Variants in MAP1B observed in about 807,000 individuals in gnomAD.
MAP1B encodes microtubule-associated protein 1B.
Under a neutral mutation model 176.1 loss-of-function variants are expected in MAP1B, and 12 were observed. The observed-to-expected ratio is 0.07, with a 90% CI of 0.04 to 0.11. The LOEUF is 0.11. MAP1B is among the 10% of genes least tolerant of loss of function. The probability of loss-of-function intolerance (pLI) is 1.00; values close to 1 mark genes in which losing one functional copy is unlikely to be tolerated. For missense variants in MAP1B, 2,523 were observed against 2,990.5 expected (o/e 0.84, Z 3.65); for synonymous variants, 1,044 against 1,135.0 (o/e 0.92, Z 1.61).
chr5:72,150,650 C>T (rs1317388957), intron 2 of MAP1B, among the ~76,000 whole-genome samples: 1 of 152,178 alleles, frequency 6.6e-6, no homozygotes, highest in Admixed American at 6.5e-5. Flanking sequence ...TCTGCCTCCT[C>T]CCACCCTCCA....
chr5:72,157,094 A>G (rs1746242031), intron 2 of MAP1B, among the ~76,000 whole-genome samples: 1 of 152,248 alleles, frequency 6.6e-6, no homozygotes, highest in Non-Finnish European at 1.5e-5. Context: ...GCACTTAGTC[A>G]GTGCTTAGAA....
chr5:72,185,041 A>G (rs1329436535), intron 3 of MAP1B, among the ~76,000 whole-genome samples: 2 of 152,314 alleles, frequency 1.3e-5, no homozygotes, highest in East Asian at 3.9e-4. Context: ...GACATTTCAT[A>G]TAAATATAAT....
At position 72,201,811 on chromosome 5, in the gene MAP1B, G is replaced by C. The variant is rs1747338929; in HGVS notation, c.7012+1444G>C. On this transcript the variant is annotated intron_variant, in intron 5 of 6. Transcript: ENST00000296755. Reference sequence around the variant, plus strand: ...TATGGAGTATCAATTTTAAGGCTCAGTTCTCAGCACATTTGGCCTTTCTAC... The same window carrying C: ...TATGGAGTATCAATTTTAAGGCTCACTTCTCAGCACATTTGGCCTTTCTAC... 2.6e-5 allele frequency among the ~76,000 whole-genome samples: 4 copies of C among 152,324 alleles called. No homozygotes were observed. The South Asian group carries it at 8.3e-4, about 32-fold the overall frequency.
intron 2 of MAP1B, among the ~76,000 whole-genome samples, chr5:72,156,035 G>A (rs1405686283): frequency 6.6e-6 from 1 of 152,110 alleles, no homozygotes. Context: ...CCAAAGTGAT[G>A]GGATTACAGG....
chr5:72,107,819 A>C, intron 1 of MAP1B, 104 bp downstream of exon 1: 2 of 1,183,296 alleles, frequency 1.7e-6, no homozygotes, highest in South Asian at 1.3e-5. Flanking sequence ...CCCCGCACCC[A>C]TGCCTCTCCT....
chr5:72,207,502 A>G lies in MAP1B; in HGVS notation c.*2263A>G, dbSNP rs1747477458. On this transcript the variant is annotated 3_prime_UTR_variant, in exon 7 of 7. Coordinates refer to ENST00000296755, the MANE Select transcript of MAP1B (RefSeq NM_005909.5). ...GTTTAATTTTTTAAAGAAAATTAAT[A>G]TTCTATTTTTGTTAGGCTTCTCTAG... 1.3e-5 allele frequency: 2 copies of G among 152,212 alleles called. No individual in the cohort carries two copies. The highest frequency in any genetic ancestry group is 6.5e-5 in the Admixed American group (1 of 15,280). The allele number at this position is 152,212 out of a possible 1,614,324, so 9.4% of individuals were successfully genotyped here.
intron 2 of MAP1B, among the ~76,000 whole-genome samples, chr5:72,153,396 T>C (rs1746177759): frequency 6.6e-6 from 1 of 152,068 alleles, no homozygotes; most frequent in South Asian, 2.1e-4. Flanking sequence ...AGGCAGAAAG[T>C]CTTTTAATTA....
intron 4 of MAP1B, among the ~76,000 whole-genome samples, chr5:72,188,683 C>T (rs1218098580): frequency 3.3e-5 from 5 of 152,012 alleles, no homozygotes; most frequent in African/African-American, 1.2e-4. Flanking sequence ...AAAATTTTAG[C>T]ACCATGGACT....
intron 2 of MAP1B, among the ~76,000 whole-genome samples, chr5:72,177,115 A>G (rs2112201983): frequency 6.6e-6 from 1 of 152,162 alleles, no homozygotes; most frequent in Admixed American, 6.5e-5. Flanking sequence ...GGCAGGGGTG[A>G]GGGTTTTGTG....
intron 2 of MAP1B, among the ~76,000 whole-genome samples, chr5:72,158,036 G>A (rs567147815): frequency 3.9e-5 from 5 of 129,430 alleles, no homozygotes; most frequent in Admixed American, 3.6e-4. Flanking sequence ...TTGAGATGGA[G>A]TCTCGCGTTC....
At chr5:72,156,019 G>A (rs1032506530) in intron 2 of MAP1B, among the ~76,000 whole-genome samples, 3 of 152,050 alleles carry the variant, frequency 2.0e-5, no homozygotes, top group African/African-American at 4.8e-5. Flanking sequence ...CACCCGCCTT[G>A]GCCTCCCAAA....
intron 2 of MAP1B, among the ~76,000 whole-genome samples, chr5:72,181,964 T>C (rs1746777203): frequency 6.6e-6 from 1 of 150,912 alleles, no homozygotes; most frequent in Admixed American, 6.6e-5. Flanking sequence ...GACCTCGTGA[T>C]CCACCTGCCT....
chr5:72,188,056 G>A (rs533401815), intron 4 of MAP1B, among the ~76,000 whole-genome samples: 9 of 152,138 alleles, frequency 5.9e-5, no homozygotes, highest in African/African-American at 1.9e-4. Flanking sequence ...TTCCAAGGCC[G>A]CTAGAGTTCA....
intron 2 of MAP1B, among the ~76,000 whole-genome samples, chr5:72,154,566 GAGCTCAT>G (rs1746196593): frequency 6.6e-6 from 1 of 152,198 alleles, no homozygotes; most frequent in Non-Finnish European, 1.5e-5. Flanking sequence ...CTGCCCAGCT[GAGCTCAT>G]GACCTTTGCC....
intron 2 of MAP1B, among the ~76,000 whole-genome samples, chr5:72,175,678 C>G (rs1229538525): frequency 6.6e-6 from 1 of 152,104 alleles, no homozygotes; most frequent in East Asian, 1.9e-4. Context: ...GAGAATGGGA[C>G]TGGGTAGGAG....
Position 72,198,875 on chromosome 5 carries a change from A to G in MAP1B, c.5520A>G (p.Thr1840=), listed in dbSNP as rs372242606. ...YGFRASVLFD[T]MQHHLALNRD... ...TCCGTGCCTCAGTGTTATTCGATAC[A>G]ATGCAACACCATCTAGCCTTGAATA... The change falls in exon 5 of 7, where the codon ACA becomes ACG. Residue 1840 remains threonine, a synonymous_variant. Coordinates refer to ENST00000296755, the MANE Select transcript of MAP1B (RefSeq NM_005909.5). The G allele has an allele frequency of 6.8e-6, 11 of 1,614,230 alleles. No homozygotes were observed. The highest frequency in any genetic ancestry group is 1.1e-5 in the South Asian group (1 of 91,084).
chr5:72,206,013 G>A lies in MAP1B; in HGVS notation c.*774G>A, dbSNP rs779006977. The stretch of plus-strand genomic sequence containing the variant: ...GTTTGGGCCCCATTCAGAACTCTCA[G>A]ACTCTAAACACACAAGTAGATTGAT... On this transcript the variant is annotated 3_prime_UTR_variant, in exon 7 of 7. Coordinates refer to ENST00000296755, the MANE Select transcript of MAP1B (RefSeq NM_005909.5). 6.6e-6 allele frequency: 1 copy of A among 152,598 alleles called. No individual in the cohort carries two copies. The highest frequency in any genetic ancestry group is 1.5e-5 in the Non-Finnish European group (1 of 68,054). 9.5% of individuals were successfully genotyped at this position (152,598 alleles called of 1,614,324 possible).
At chr5:72,141,854 C>T (rs1745954148) in intron 2 of MAP1B, among the ~76,000 whole-genome samples, 1 of 152,214 alleles carries the variant, frequency 6.6e-6, no homozygotes, top group Non-Finnish European at 1.5e-5. Context: ...AACGTTTCCA[C>T]CCTAATTCTG....
chr5:72,194,032 T>A lies in MAP1B; in HGVS notation c.677T>A (p.Leu226His). 6.2e-7 allele frequency: 1 copy of A among 1,614,186 alleles called. No individual in the cohort carries two copies. The highest frequency in any genetic ancestry group is 8.5e-7 in the Non-Finnish European group (1 of 1,180,038). ...TCTATCTTGCCAGAAATGGAAGGAC[T>A]TTCTGAGTTTACCGAGTATCTCTCA... ...SASILPEMEGLSEFTEYLSES... is the reference protein window; with the variant it reads ...SASILPEMEGHSEFTEYLSES... Residue 226 changes from leucine (L) to histidine (H), a missense_variant, in exon 5 of 7, where the codon CTT becomes CAT. Physicochemically the swap from Leu to His is moderately conservative, Grantham distance 99. This residue lies in a region of MAP1B where 307 missense variants were observed against 438.4 expected (regional missense o/e 0.70). Transcript: ENST00000296755. The surrounding 1 kb of genome is among the most constrained non-coding windows in gnomAD (Gnocchi z 7.2).
Sources: allele counts gnomAD v4.1 joint callset (sites outside exome capture counted in the v4.1 genomes callset), GRCh38; gene constraint gnomAD v4.1.1; regional missense constraint gnomAD v4.1.1; non-coding constraint Gnocchi (gnomAD v3.1); transcripts MANE v1.5; gene names NCBI Gene and HGNC (gene_info 2026-07-23, HGNC 2026-07-21).